Variants in ZNF471 observed in about 807,000 individuals in gnomAD.
ZNF471 encodes EZFIT-related protein 1.
Under a neutral mutation model 13.7 loss-of-function variants are expected in ZNF471, and 7 were observed. The ratio of observed to expected loss-of-function variants is 0.51; its 90% CI spans 0.29 to 0.96. The LOEUF (loss-of-function observed/expected upper bound fraction) is 0.96, where lower values mean the gene tolerates loss of function less well. Among genes scored for constraint, ZNF471 ranks in the 40% least tolerant of loss-of-function variants. ZNF471 has a pLI of 0.08. For synonymous variants in ZNF471, 218 were observed against 235.6 expected, an observed-to-expected ratio of 0.93 and a Z score of 0.68; for missense variants, 663 against 743.3, an observed-to-expected ratio of 0.89 and a Z score of 1.26.
Position 56,525,980 on chromosome 19 carries a change from A to G in ZNF471, c.*32A>G, listed in dbSNP as rs778825304. 2 of 1,511,786 alleles carry G rather than the reference A, an allele frequency of 1.3e-6. No homozygotes were observed. Among genetic ancestry groups the G allele is most frequent in the Non-Finnish European group, 1.8e-6 (2 of 1,129,068 alleles). The allele number at this position is 1,511,786 out of a possible 1,614,324, so 93.6% of individuals were successfully genotyped here. ...AGTGCATGTGGCCAAGCCTTTAGTT[A>G]TCACCAATCCCCTACTGTTAATCAG... On this transcript the variant is annotated 3_prime_UTR_variant, in exon 5 of 5. Transcript: ENST00000308031.
chr19:56,510,133 GA>G lies in ZNF471; in HGVS notation c.-55-1379del. 3 of 985,516 alleles carry G rather than the reference GA, an allele frequency of 3.0e-6. No individual in the cohort carries two copies. The highest frequency in any genetic ancestry group is 3.6e-6 in the Non-Finnish European group (3 of 830,016). The allele number at this position is 985,516 out of a possible 1,614,324, so 61.0% of individuals were successfully genotyped here. A position where few individuals can be genotyped will look rare whatever the true frequency, so the allele number is the denominator to read the frequency against. ...GTTGTGAGAGGGTGTATCACAGTAT[GA>G]AAAAGATTGGAGTGAGAGTGACCAG... On this transcript the variant is annotated intron_variant, in intron 1 of 4. Transcript: ENST00000308031. This position sits in a 1 kb window ranked among gnomAD's most constrained non-coding sequence, Gnocchi z 4.3.
chr19:56,520,833 G>C (rs1226486440), intron 4 of ZNF471, among the ~76,000 whole-genome samples: 6 of 152,180 alleles, frequency 3.9e-5, no homozygotes, highest in Admixed American at 3.9e-4. Context: ...AAGTGTATTA[G>C]TCTGTTTAGT....
In ZNF471 at chr19:56,527,811, T is replaced by C. The variant is rs2147934075; in HGVS notation, c.*1863T>C. The stretch of plus-strand genomic sequence containing the variant: ...CACACCTTGCTCATTAGTGAGTTCA[T>C]TTCAGGCAGCCAGCTCTTCCTCACC... On this transcript the variant is annotated 3_prime_UTR_variant, in exon 5 of 5. Transcript: ENST00000308031. 6.6e-6 allele frequency: 1 copy of C among 152,354 alleles called. No individual in the cohort carries two copies. The highest frequency in any genetic ancestry group is 1.9e-4 in the East Asian group (1 of 5,178). 9.4% of individuals were successfully genotyped at this position (152,354 alleles called of 1,614,324 possible). A position where few individuals can be genotyped will look rare whatever the true frequency, so the allele number is the denominator to read the frequency against.
intron 2 of ZNF471, among the ~76,000 whole-genome samples, chr19:56,512,688 T>A (rs1023250711): frequency 1.3e-5 from 2 of 152,118 alleles, no homozygotes; most frequent in African/African-American, 4.8e-5. Context: ...TTTTAATCTT[T>A]TAATTTTTAA....
At chr19:56,511,698 C>T in intron 2 of ZNF471, 94 bp downstream of exon 2, 2 of 1,056,236 alleles carry the variant, frequency 1.9e-6, no homozygotes, top group Non-Finnish European at 2.9e-6. Flanking sequence ...CCCTGATTAA[C>T]AGTCCAGGAG....
rs1289276538 is a variant in ZNF471 at position 56,527,376 on chromosome 19, T to C, written c.*1428T>C. 2 of 152,150 alleles carry C rather than the reference T, an allele frequency of 1.3e-5. No individual in the cohort carries two copies. The highest frequency in any genetic ancestry group is 2.9e-5 in the Non-Finnish European group (2 of 68,030). The allele number at this position is 152,150 out of a possible 1,614,324, so 9.4% of individuals were successfully genotyped here. On this transcript the variant is annotated 3_prime_UTR_variant, in exon 5 of 5. Transcript: ENST00000308031. ...ATTCACGAAGATGAGGAGAAACCAGTGCAAAAAGCCTGAAAATTCCAAAAA... is the reference window on the plus strand; with the variant it reads ...ATTCACGAAGATGAGGAGAAACCAGCGCAAAAAGCCTGAAAATTCCAAAAA...
At chr19:56,517,702 A>G (rs2043912302) in intron 3 of ZNF471, among the ~76,000 whole-genome samples, 1 of 152,230 alleles carries the variant, frequency 6.6e-6, no homozygotes, top group African/African-American at 2.4e-5. Context: ...CAGCATCCCA[A>G]AGTGCTGGGA....
rs2043924688 is a variant in ZNF471 at position 56,518,491 on chromosome 19, T to A, written c.170T>A (p.Ile57Asn). Reference sequence around the variant, plus strand: ...TTTTTTTTATATGTAGGTCTTTGCATTTCTAAGCCATATGTGATCTCCTTA... The same window carrying A: ...TTTTTTTTATATGTAGGTCTTTGCAATTCTAAGCCATATGTGATCTCCTTA... ...YQSLVSLGLC[I>N]SKPYVISLLE... The change falls in exon 4 of 5, where the codon ATT becomes AAT. Residue 57 changes from isoleucine (I) to asparagine (N), a missense_variant. Physicochemically the swap from Ile to Asn is moderately radical, Grantham distance 149 (BLOSUM62 -3). Coordinates refer to ENST00000308031, the MANE Select transcript of ZNF471 (RefSeq NM_020813.4). 6.2e-7 allele frequency: 1 copy of A among 1,612,828 alleles called. No homozygotes were observed. The highest frequency in any genetic ancestry group is 1.3e-5 in the African/African-American group (1 of 74,856).
In ZNF471 at chr19:56,522,080, G is replaced by A. The variant is rs936202199; in HGVS notation, c.257-2244G>A. Among the ~76,000 whole-genome samples the A allele has an allele frequency of 8.5e-5, 13 of 152,198 alleles. No homozygotes were observed. Among genetic ancestry groups the A allele is most frequent in the Non-Finnish European group, 1.5e-4 (10 of 68,042 alleles). ...TGGTAACATGTTGTGCAGGCTTGTA[G>A]ACCAGGAGCAGTAGGCCATATAGCC... On this transcript the variant is annotated intron_variant, in intron 4 of 4. Coordinates refer to ENST00000308031, the MANE Select transcript of ZNF471 (RefSeq NM_020813.4). This position sits in a 1 kb window ranked among gnomAD's most constrained non-coding sequence, Gnocchi z 4.1.
chr19:56,530,118 CAA>C lies in ZNF471; in HGVS notation c.*4172_*4173del, dbSNP rs2044090765. The stretch of plus-strand genomic sequence containing the variant: ...ACGGAAAATGAGATGGATCTCTACT[CAA>C]AGATGTCTTGCAGTTTATGAACTGA... On this transcript the variant is annotated 3_prime_UTR_variant, in exon 5 of 5. Coordinates refer to ENST00000308031, the MANE Select transcript of ZNF471 (RefSeq NM_020813.4). The C allele has an allele frequency of 6.6e-6, 1 of 152,182 alleles. No individual in the cohort carries two copies. The highest frequency in any genetic ancestry group is 6.5e-5 in the Admixed American group (1 of 15,282). 9.4% of individuals were successfully genotyped at this position (152,182 alleles called of 1,614,324 possible). A position where few individuals can be genotyped will look rare whatever the true frequency, so the allele number is the denominator to read the frequency against.
rs746091933 is a variant in ZNF471 at position 56,524,603 on chromosome 19, A to G, written c.536A>G (p.Asn179Ser). The stretch of plus-strand genomic sequence containing the variant: ...GAAAACATAGAAGAGAGTATTTATA[A>G]TCACACATCAGATAAAAAAAGCTTC... ...HLENIEESIYNHTSDKKSFSK... is the reference protein window; with the variant it reads ...HLENIEESIYSHTSDKKSFSK... Residue 179 changes from asparagine to serine, a missense_variant, in exon 5 of 5, where the codon AAT (asparagine) becomes AGT (serine). Asn to Ser is a conservative substitution (Grantham distance 46). Transcript: ENST00000308031. The surrounding 1 kb of genome is among the most constrained non-coding windows in gnomAD (Gnocchi z 4.8). The G allele has an allele frequency of 1.9e-6, 3 of 1,591,748 alleles. No individual in the cohort carries two copies. The Admixed American group carries it at 5.6e-5, about 30-fold the overall frequency.
rs1173089993 is a variant in ZNF471 at position 56,522,932 on chromosome 19, C to T, written c.257-1392C>T. On this transcript the variant is annotated intron_variant, in intron 4 of 4. Coordinates refer to ENST00000308031, the MANE Select transcript of ZNF471 (RefSeq NM_020813.4). This position sits in a 1 kb window ranked among gnomAD's most constrained non-coding sequence, Gnocchi z 4.1. ...TGTGTTTTTAGTAGAGACAGGGTTA[C>T]ACCACATTGGCCAGGCTGGTCTCTA... Among the ~76,000 whole-genome samples, 1 of 152,034 alleles carries T rather than the reference C, an allele frequency of 6.6e-6. No homozygotes were observed. The highest frequency in any genetic ancestry group is 1.5e-5 in the Non-Finnish European group (1 of 67,986).
intron 2 of ZNF471, among the ~76,000 whole-genome samples, chr19:56,512,332 A>G (rs1016943094): frequency 6.6e-6 from 1 of 151,026 alleles, no homozygotes; most frequent in African/African-American, 2.4e-5. Context: ...TTTAGGTCCT[A>G]TTTTTCTTCT....
chr19:56,512,424 A>C (rs981850719), intron 2 of ZNF471, among the ~76,000 whole-genome samples: 1 of 151,834 alleles, frequency 6.6e-6, no homozygotes, highest in African/African-American at 2.4e-5. Flanking sequence ...GTAGGGCTGA[A>C]ATTACATTAA....
At chr19:56,518,043 C>T (rs535155088) in intron 3 of ZNF471, among the ~76,000 whole-genome samples, 10 of 152,144 alleles carry the variant, frequency 6.6e-5, no homozygotes, top group African/African-American at 2.2e-4. Flanking sequence ...TTCTAATGGG[C>T]ATGATTCACT....
chr19:56,509,936 A>G, intron 1 of ZNF471: 1 of 985,346 alleles, frequency 1.0e-6, no homozygotes, highest in South Asian at 4.7e-5. Context: ...TGAAAGATGA[A>G]CAAGTATGAG....
chr19:56,526,127 CAGA>C lies in ZNF471; in HGVS notation c.*182_*184del, dbSNP rs1476167788. ...TCTGCAGTTCCCAGTGAGATCAACGCAGAAGGTGGGTGCTTTCTGTATTTCCAG... is the reference window on the plus strand; with the variant it reads ...TCTGCAGTTCCCAGTGAGATCAACGCAGGTGGGTGCTTTCTGTATTTCCAG... On this transcript the variant is annotated 3_prime_UTR_variant, in exon 5 of 5. Transcript: ENST00000308031. The C allele has an allele frequency of 1.7e-6, 1 of 580,320 alleles. No homozygotes were observed. Among genetic ancestry groups the C allele is most frequent in the Non-Finnish European group, 2.9e-6 (1 of 350,588 alleles). 35.9% of individuals were successfully genotyped at this position (580,320 alleles called of 1,614,324 possible). A position where few individuals can be genotyped will look rare whatever the true frequency, so the allele number is the denominator to read the frequency against.
In ZNF471 at chr19:56,525,831, G is replaced by C; in HGVS notation, c.1764G>C (p.Gln588His). 6.2e-7 allele frequency: 1 copy of C among 1,614,186 alleles called. No homozygotes were observed. The highest frequency in any genetic ancestry group is 8.5e-7 in the Non-Finnish European group (1 of 1,180,028). Residue 588 changes from glutamine to histidine, a missense_variant, in exon 5 of 5, where the codon CAG becomes CAC. Gln to His is a conservative substitution (Grantham distance 24). Transcript: ENST00000308031. Reference protein sequence around the residue: ...KAFSDSSSCAQHQRLHTGQRP... With the variant: ...KAFSDSSSCAHHQRLHTGQRP... ...TTAGTGATAGCTCATCCTGTGCTCA[G>C]CATCAAAGACTCCACACTGGCCAAA... is the stretch of plus-strand genomic sequence containing the variant.
chr19:56,507,952 C>T, intron 1 of ZNF471, 32 bp downstream of exon 1: 4 of 985,918 alleles, frequency 4.1e-6, no homozygotes, highest in Middle Eastern at 5.2e-4. Context: ...AGTCCGAGCT[C>T]GAGGGCTGGG....
Sources: gnomAD v4.1 joint callset for allele counts (sites outside exome capture counted in the v4.1 genomes callset) on GRCh38, gnomAD v4.1.1 for gene constraint, Gnocchi (gnomAD v3.1) non-coding constraint, MANE v1.5 for transcripts, NCBI Gene and HGNC (gene_info 2026-07-23, HGNC 2026-07-21) for gene names.